Variants in SGPL1 observed in about 807,000 individuals in gnomAD.
The protein encoded by SGPL1 is SP-lyase 1.
Under a neutral mutation model 68.9 loss-of-function variants are expected in SGPL1, and 37 were observed. That is an observed-to-expected ratio of 0.54 (90% CI 0.41 to 0.71). The LOEUF is 0.71. SGPL1 is among the 30% of genes least tolerant of loss of function. The pLI is 0.00. For missense variants in SGPL1, 551 were observed against 704.6 expected (o/e 0.78, Z 2.47); for synonymous variants, 236 against 248.5 (o/e 0.95, Z 0.47).
chr10:70,865,543 C>G (rs928855015), intron 7 of SGPL1, among the ~76,000 whole-genome samples: 4 of 152,202 alleles, frequency 2.6e-5, no homozygotes, highest in Admixed American at 2.0e-4. Context: ...CTGTCTCCCC[C>G]ACTCCTCCCT....
intron 3 of SGPL1, among the ~76,000 whole-genome samples, chr10:70,850,040 T>G (rs1185042662): frequency 3.9e-5 from 6 of 152,192 alleles, no homozygotes; most frequent in Non-Finnish European, 8.8e-5. Flanking sequence ...CGAGATACAT[T>G]GATTGTGAAT....
At chr10:70,862,149 CT>C (rs1846075038) in intron 7 of SGPL1, among the ~76,000 whole-genome samples, 1 of 152,352 alleles carries the variant, frequency 6.6e-6, no homozygotes, top group African/African-American at 2.4e-5. Flanking sequence ...CTTGGAGAAC[CT>C]TTATGTGTAG....
chr10:70,822,577 A>AT (rs1444436498), intron 2 of SGPL1, among the ~76,000 whole-genome samples: 1 of 152,210 alleles, frequency 6.6e-6, no homozygotes, highest in East Asian at 1.9e-4. Flanking sequence ...AATTACTGAG[A>AT]TAAAAACCAT....
chr10:70,816,568 G>C (rs1287097943), intron 1 of SGPL1, among the ~76,000 whole-genome samples: 1 of 152,220 alleles, frequency 6.6e-6, no homozygotes, highest in Non-Finnish European at 1.5e-5. Context: ...TTCCACCTGG[G>C]TGGAATGCTT....
intron 2 of SGPL1, among the ~76,000 whole-genome samples, chr10:70,832,891 A>G (rs1845568466): frequency 6.6e-6 from 1 of 152,110 alleles, no homozygotes; most frequent in African/African-American, 2.4e-5. Context: ...AGTTTTATGC[A>G]TTTAGTCTTC....
intron 7 of SGPL1, among the ~76,000 whole-genome samples, chr10:70,864,684 C>T (rs1252613505): frequency 6.6e-6 from 1 of 152,120 alleles, no homozygotes; most frequent in African/African-American, 2.4e-5. Context: ...ATTTTGCATG[C>T]TACATACTAC....
chr10:70,856,259 G>T (rs560030868), intron 5 of SGPL1, among the ~76,000 whole-genome samples: 2 of 152,322 alleles, frequency 1.3e-5, no homozygotes, highest in South Asian at 4.1e-4. Context: ...GCCTCCCAAA[G>T]TGCTAGGATT....
chr10:70,854,107 C>T (rs1845925970), intron 4 of SGPL1, among the ~76,000 whole-genome samples: 1 of 152,016 alleles, frequency 6.6e-6, no homozygotes, highest in Non-Finnish European at 1.5e-5. Context: ...GCAATGCCAA[C>T]CAAGTGAAGC....
intron 7 of SGPL1, among the ~76,000 whole-genome samples, chr10:70,863,404 G>A (rs1589469773): frequency 6.7e-6 from 1 of 149,740 alleles, no homozygotes; most frequent in South Asian, 2.1e-4. Context: ...TTCTGTGTCT[G>A]ATAATTCCAA....
intron 7 of SGPL1, among the ~76,000 whole-genome samples, chr10:70,864,214 T>C (rs1185871075): frequency 6.6e-6 from 1 of 152,184 alleles, no homozygotes; most frequent in Non-Finnish European, 1.5e-5. Flanking sequence ...AGCCCCTTTC[T>C]CCCTGAATCT....
intron 2 of SGPL1, among the ~76,000 whole-genome samples, chr10:70,825,898 C>T (rs1845425961): frequency 6.6e-6 from 1 of 152,156 alleles, no homozygotes; most frequent in Non-Finnish European, 1.5e-5. Flanking sequence ...TAAGAGAAAA[C>T]TGGCCTGGCG....
At chr10:70,816,198 CAG>C (rs1360673038) in intron 1 of SGPL1, 72 bp downstream of exon 1, 2 of 132,496 alleles carry the variant, frequency 1.5e-5, no homozygotes, top group African/African-American at 5.7e-5. Flanking sequence ...GAGGAGAGGA[CAG>C]GGGCCGGGTG....
chr10:70,867,116 G>GT (rs2131932486), intron 7 of SGPL1, among the ~76,000 whole-genome samples: 1 of 152,304 alleles, frequency 6.6e-6, no homozygotes, highest in East Asian at 1.9e-4. Flanking sequence ...TTCAGAGATG[G>GT]TAAGTCTAAG....
chr10:70,854,595 T>C (rs1589463326), intron 4 of SGPL1, 113 bp from the exon 5 acceptor site: 1 of 830,876 alleles, frequency 1.2e-6, no homozygotes, highest in Non-Finnish European at 1.9e-6. Flanking sequence ...AAAATGTTAG[T>C]TTAGTTACTT....
At chr10:70,829,072 C>T (rs970354687) in intron 2 of SGPL1, among the ~76,000 whole-genome samples, 1 of 152,154 alleles carries the variant, frequency 6.6e-6, no homozygotes, top group Non-Finnish European at 1.5e-5. Context: ...CTCTGTTACC[C>T]AGCCCTTTCT....
intron 2 of SGPL1, among the ~76,000 whole-genome samples, chr10:70,843,373 A>G (rs954819618): frequency 6.6e-6 from 1 of 152,184 alleles, no homozygotes; most frequent in Non-Finnish European, 1.5e-5. Flanking sequence ...ACTGCCTTCA[A>G]CCCTGGAGAT....
At chr10:70,822,712 A>G (rs979079056) in intron 2 of SGPL1, among the ~76,000 whole-genome samples, 1 of 151,916 alleles carries the variant, frequency 6.6e-6, no homozygotes, top group Non-Finnish European at 1.5e-5. Context: ...TCAAGGGACT[A>G]TTTTCAAGGC....
chr10:70,835,982 G>A (rs945304577), intron 2 of SGPL1, among the ~76,000 whole-genome samples: 5 of 152,100 alleles, frequency 3.3e-5, no homozygotes, highest in African/African-American at 9.7e-5. Context: ...TGAGAGGTAC[G>A]AGTTGTTATG....
chr10:70,873,445 G>A lies in SGPL1; in HGVS notation c.1154G>A (p.Gly385Asp). The A allele has an allele frequency of 6.2e-7, 1 of 1,614,266 alleles. No homozygotes were observed. Among genetic ancestry groups the A allele is most frequent in the Non-Finnish European group, 8.5e-7 (1 of 1,180,038 alleles). The change falls in exon 12 of 15, where the codon GGC becomes GAC. Residue 385 changes from glycine to aspartate, a missense_variant. Transcript: ENST00000373202. ...QFFVDTDWQGGIYASPTIAGS... is the reference protein window; with the variant it reads ...QFFVDTDWQGDIYASPTIAGS... ...TTCGTCGATACAGATTGGCAGGGTG[G>A]CATCTATGCTTCCCCAACCATCGCA...
Sources: gnomAD v4.1 joint callset for allele counts (sites outside exome capture counted in the v4.1 genomes callset) on GRCh38, gnomAD v4.1.1 for gene constraint, MANE v1.5 for transcripts, NCBI Gene and HGNC (gene_info 2026-07-23, HGNC 2026-07-21) for gene names.